Variants in ZMYM2 observed in about 807,000 individuals in gnomAD.
The protein encoded by ZMYM2 is zinc finger MYM-type protein 2.
In ZMYM2, 56 loss-of-function variants were observed where a neutral mutation model predicts 162.8. The ratio of observed to expected loss-of-function variants is 0.34; its 90% CI spans 0.28 to 0.43. The LOEUF is 0.43. Ranked by LOEUF, ZMYM2 falls within the 20% of genes least tolerant of loss-of-function variation. The pLI is 1.00. For synonymous variants in ZMYM2, 510 were observed against 541.6 expected, an observed-to-expected ratio of 0.94 and a Z score of 0.81; for missense variants, 1,275 against 1,621.8, an observed-to-expected ratio of 0.79 and a Z score of 3.67.
Position 20,027,325 on chromosome 13 carries a change from C to T in ZMYM2, c.1851+7C>T, listed in dbSNP as rs535047572. The stretch of plus-strand genomic sequence containing the variant: ...TTGTGTGGCTAAATTTCAGGTTTGT[C>T]GTTTATTTTGCATAACCCATGCCCC... On this transcript the variant is annotated splice_region_variant and intron_variant, in intron 9 of 24. Transcript: ENST00000610343. 1.8e-5 allele frequency: 28 copies of T among 1,551,072 alleles called. No homozygotes were observed. The highest frequency in any genetic ancestry group is 1.2e-4 in the Admixed American group (6 of 51,510).
At chr13:19,942,224 TTTTAA>T in the ZMYM2 span, among the ~76,000 whole-genome samples, 1 of 152,038 alleles carries the variant, frequency 6.6e-6, no homozygotes, top group Non-Finnish European at 1.5e-5. Context: ...AAATTTTGAA[TTTTAA>T]TTTATTACAT....
chr13:19,909,583 A>C, the ZMYM2 span, among the ~76,000 whole-genome samples: 2 of 151,900 alleles, frequency 1.3e-5, no homozygotes, highest in African/African-American at 4.8e-5. Flanking sequence ...CAGGCACGTG[A>C]CACCACACCT....
chr13:19,932,047 C>T, the ZMYM2 span, among the ~76,000 whole-genome samples: 1 of 152,138 alleles, frequency 6.6e-6, no homozygotes, highest in East Asian at 1.9e-4. Flanking sequence ...CAAGTGATAA[C>T]GTGTTGATTA....
At chr13:20,036,661 A>G (rs1953734019) in intron 11 of ZMYM2, 76 bp from the exon 12 acceptor site, 3 of 1,250,524 alleles carry the variant, frequency 2.4e-6, no homozygotes, top group East Asian at 2.8e-5. Context: ...ATCTTGACCA[A>G]TTAAGATCTG....
rs185879255 is a variant in ZMYM2, at chr13:20,044,332, C to G, written c.2293-7101C>G. 8.5e-5 allele frequency among the ~76,000 whole-genome samples: 13 copies of G among 152,358 alleles called. 1 individual carries two copies. The highest frequency in any genetic ancestry group is 6.5e-4 in the Admixed American group (10 of 15,300). On this transcript the variant is annotated intron_variant, in intron 12 of 24. Transcript: ENST00000610343. ...GCCTGTGCCCAGAGCAGGTTGCTCT[C>G]TGCCAGTTCACCTAACTTGTGCCCT...
intron 10 of ZMYM2, among the ~76,000 whole-genome samples, chr13:20,032,640 GCT>G (rs1465057234): frequency 8.8e-6 from 1 of 113,656 alleles, no homozygotes; most frequent in Non-Finnish European, 1.6e-5. Flanking sequence ...ATGGAGTCTC[GCT>G]CTGTTGCCCA....
the ZMYM2 span, among the ~76,000 whole-genome samples, chr13:19,869,047 G>A: frequency 3.3e-5 from 5 of 152,064 alleles, no homozygotes; most frequent in East Asian, 1.9e-4. Context: ...CACCGCACCC[G>A]GCCCATAAAT....
chr13:19,931,024 A>G, the ZMYM2 span, among the ~76,000 whole-genome samples: 2 of 151,404 alleles, frequency 1.3e-5, no homozygotes, highest in South Asian at 2.1e-4. Flanking sequence ...CTGTAGTCCT[A>G]GCTACTTGGG....
chr13:20,026,594 T>C lies in ZMYM2; in HGVS notation c.1585-18T>C. On this transcript the variant is annotated intron_variant, in intron 7 of 24. Coordinates refer to ENST00000610343, the MANE Select transcript of ZMYM2 (RefSeq NM_197968.4). ...AGTTGTAGTCTTAAAAATTATCTTT[T>C]TATGTTTCAAATTTTAGAAATATGG... The C allele has an allele frequency of 6.4e-7, 1 of 1,574,310 alleles. No individual in the cohort carries two copies. Among genetic ancestry groups the C allele is most frequent in the Non-Finnish European group, 8.6e-7 (1 of 1,168,336 alleles).
chr13:19,998,038 A>G (rs1028233336), intron 3 of ZMYM2, among the ~76,000 whole-genome samples: 1 of 152,182 alleles, frequency 6.6e-6, no homozygotes, highest in African/African-American at 2.4e-5. Context: ...TGTTTACTCA[A>G]ACTCTGTAAA....
the ZMYM2 span, among the ~76,000 whole-genome samples, chr13:19,878,519 T>TCCC: frequency 0.073 from 535 of 7,296 alleles, 4 homozygotes; most frequent in African/African-American, 0.1. Flanking sequence ...CCTTTGCCCT[T>TCCC]TTTTTTTTTT....
intron 6 of ZMYM2, among the ~76,000 whole-genome samples, chr13:20,012,458 G>A (rs1261708221): frequency 6.6e-6 from 1 of 152,138 alleles, no homozygotes; most frequent in African/African-American, 2.4e-5. Flanking sequence ...GGGATTACAG[G>A]TGTGAGCCAC....
chr13:20,065,629 C>A (rs951353604), intron 19 of ZMYM2, among the ~76,000 whole-genome samples: 3 of 151,940 alleles, frequency 2.0e-5, no homozygotes, highest in Admixed American at 6.6e-5. Flanking sequence ...CATAGTGAGA[C>A]CTCTACAAAA....
chr13:20,003,177 T>A (rs1193826140), intron 4 of ZMYM2, 42 bp downstream of exon 4: 1 of 1,558,250 alleles, frequency 6.4e-7, no homozygotes, highest in Non-Finnish European at 8.7e-7. Context: ...AGTTGAATTT[T>A]GGAGTTGTAA....
intron 21 of ZMYM2, among the ~76,000 whole-genome samples, chr13:20,069,386 T>A (rs1956912230): frequency 6.6e-6 from 1 of 151,954 alleles, no homozygotes; most frequent in Non-Finnish European, 1.5e-5. Flanking sequence ...AAGTATTTTG[T>A]CTTTGACCAT....
the ZMYM2 span, among the ~76,000 whole-genome samples, chr13:19,948,308 T>C: frequency 6.6e-6 from 1 of 152,216 alleles, no homozygotes; most frequent in Admixed American, 6.5e-5. Context: ...TGGGTATTTA[T>C]AGAAGCATTA....
At chr13:20,006,232 TAA>T (rs747053429) in intron 5 of ZMYM2, 140 bp from the exon 6 acceptor site, 110 of 674,274 alleles carry the variant, frequency 1.6e-4, no homozygotes, top group East Asian at 7.9e-4. Context: ...ACCCTGTCTT[TAA>T]AAAAAAAAAA....
intron 14 of ZMYM2, among the ~76,000 whole-genome samples, chr13:20,054,089 T>TG (rs1167793454): frequency 6.6e-6 from 1 of 152,252 alleles, no homozygotes; most frequent in Non-Finnish European, 1.5e-5. Flanking sequence ...TTGCAGCTGT[T>TG]GCCTTTTGTC....
chr13:19,900,874 A>G, the ZMYM2 span, among the ~76,000 whole-genome samples: 4 of 152,284 alleles, frequency 2.6e-5, no homozygotes, highest in South Asian at 8.3e-4. Context: ...TCCACTAAAA[A>G]TACAAAAAAT....
Sources: gnomAD v4.1 joint callset for allele counts (sites outside exome capture counted in the v4.1 genomes callset) on GRCh38, gnomAD v4.1.1 for gene constraint, MANE v1.5 for transcripts, NCBI Gene and HGNC (gene_info 2026-07-23, HGNC 2026-07-21) for gene names.